The following DPYD variants were observed in gnomAD, a reference collection of about 807,000 sequenced individuals.
The protein encoded by DPYD is dihydropyrimidine dehydrogenase [NADP(+)].
A neutral mutation model predicts 116.2 loss-of-function variants in DPYD; 109 were observed. The ratio of observed to expected loss-of-function variants is 0.94; its 90% CI spans 0.80 to 1.10. DPYD has a LOEUF of 1.10. Among genes scored for constraint, DPYD ranks in the 50% least tolerant of loss-of-function variants. The probability of loss-of-function intolerance (pLI) is 0.00; values close to 1 mark genes in which losing one functional copy is unlikely to be tolerated. For missense variants in DPYD, 1,302 were observed against 1,254.5 expected, an observed-to-expected ratio of 1.04 and a Z score of -0.57; for synonymous variants, 440 against 432.0, an observed-to-expected ratio of 1.02 and a Z score of -0.23.
At chr1:97,669,658 G>T (rs1659751353) in intron 8 of DPYD, among the ~76,000 whole-genome samples, 1 of 152,160 alleles carries the variant, frequency 6.6e-6, no homozygotes, top group Admixed American at 6.6e-5. Flanking sequence ...GACAGAGAAA[G>T]AGATTATTAG....
At chr1:97,409,302 T>G (rs184755267) in intron 14 of DPYD, among the ~76,000 whole-genome samples, 8 of 152,276 alleles carry the variant, frequency 5.3e-5, no homozygotes, top group Admixed American at 2.0e-4. Context: ...TGATTGAAAG[T>G]TTAATGCATG....
chr1:97,163,784 A>G (rs1656104881), intron 20 of DPYD, among the ~76,000 whole-genome samples: 1 of 152,096 alleles, frequency 6.6e-6, no homozygotes, highest in Non-Finnish European at 1.5e-5. Context: ...CAAAGACCAC[A>G]TCTCTTACTA....
chr1:97,394,123 A>G (rs1672877154), intron 14 of DPYD: 1 of 151,994 alleles, frequency 6.6e-6, no homozygotes, highest in African/African-American at 2.4e-5. Flanking sequence ...TCCTTCACCC[A>G]CTTTTTGATG....
At chr1:97,357,018 T>C (rs1670458613) in intron 16 of DPYD, among the ~76,000 whole-genome samples, 1 of 152,346 alleles carries the variant, frequency 6.6e-6, no homozygotes, top group African/African-American at 2.4e-5. Context: ...TGCAGTTCCA[T>C]ACACATTTTA....
chr1:97,633,540 A>G (rs986168501), intron 8 of DPYD, among the ~76,000 whole-genome samples: 3 of 152,072 alleles, frequency 2.0e-5, no homozygotes, highest in Admixed American at 2.0e-4. Flanking sequence ...TTTAGACATC[A>G]CTGTGGGAAG....
chr1:97,723,478 C>T (rs184265599), intron 4 of DPYD, among the ~76,000 whole-genome samples: 1 of 151,530 alleles, frequency 6.6e-6, no homozygotes. Context: ...TACACACACA[C>T]ACAAAAGTTC....
Position 97,461,742 on chromosome 1 carries a change from C to T in DPYD, c.1741-11519G>A, listed in dbSNP as rs373571108. On this transcript the variant is annotated intron_variant, in intron 13 of 22. Coordinates refer to ENST00000370192, the MANE Select transcript of DPYD (RefSeq NM_000110.4). ...TTTCATATATTAGGCCATAAAGATGCTTGTATTATAATTACAAAACACCAT... is the reference window on the plus strand; with the variant it reads ...TTTCATATATTAGGCCATAAAGATGTTTGTATTATAATTACAAAACACCAT... Among the ~76,000 whole-genome samples, 98 of 152,292 alleles carry T rather than the reference C, an allele frequency of 6.4e-4. No individual in the cohort carries two copies. In the South Asian group the frequency reaches 0.02, roughly 31 times the overall value.
intron 18 of DPYD, among the ~76,000 whole-genome samples, chr1:97,246,573 G>T (rs1441801883): frequency 6.6e-6 from 1 of 152,058 alleles, no homozygotes; most frequent in African/African-American, 2.4e-5. Flanking sequence ...ATATAGTAAT[G>T]AACAAATCAT....
At chr1:97,671,793 T>G (rs1454290217) in intron 8 of DPYD, among the ~76,000 whole-genome samples, 1 of 152,058 alleles carries the variant, frequency 6.6e-6, no homozygotes, top group Non-Finnish European at 1.5e-5. Flanking sequence ...GAGGGATATA[T>G]GCACACAACC....
intron 20 of DPYD, among the ~76,000 whole-genome samples, chr1:97,116,315 G>T (rs1651958632): frequency 6.6e-6 from 1 of 152,042 alleles, no homozygotes; most frequent in African/African-American, 2.4e-5. Flanking sequence ...TTAACGGGGG[G>T]GCTATAGTGC....
At chr1:97,842,305 A>G (rs1670077403) in intron 2 of DPYD, among the ~76,000 whole-genome samples, 1 of 152,036 alleles carries the variant, frequency 6.6e-6, no homozygotes, top group Non-Finnish European at 1.5e-5. Context: ...AATATTGGCT[A>G]CAATCATCAA....
At chr1:97,618,369 T>C (rs1262989940) in intron 8 of DPYD, among the ~76,000 whole-genome samples, 1 of 130,624 alleles carries the variant, frequency 7.7e-6, no homozygotes, top group Non-Finnish European at 1.7e-5. Flanking sequence ...CTGTCAAGGA[T>C]TTTTTTTCTT....
Position 97,372,744 on chromosome 1 carries a change from G to GAA in DPYD, c.2058+815_2058+816dup, listed in dbSNP as rs888763805. On this transcript the variant is annotated intron_variant, in intron 16 of 22. Coordinates refer to ENST00000370192, the MANE Select transcript of DPYD (RefSeq NM_000110.4). ...TTCAAATCAATTTGATGACTTGAGA[G>GAA]AAAAAAAAAAAGGTGGGGACCTACT... Among the ~76,000 whole-genome samples, 7 of 144,264 alleles carry GAA rather than the reference G, an allele frequency of 4.9e-5. No homozygotes were observed. In the South Asian group the frequency reaches 1.5e-3, roughly 32 times the overall value. 94.6% of individuals were successfully genotyped at this position (144,264 alleles called of 152,430 possible). A position where few individuals can be genotyped will look rare whatever the true frequency, so the allele number is the denominator to read the frequency against.
At chr1:97,304,264 T>G (rs1667031997) in intron 18 of DPYD, among the ~76,000 whole-genome samples, 1 of 151,998 alleles carries the variant, frequency 6.6e-6, no homozygotes, top group African/African-American at 2.4e-5. Flanking sequence ...GTCCACGTTA[T>G]TCTGCATTAC....
At chr1:97,774,233 G>A (rs1461320860) in intron 3 of DPYD, among the ~76,000 whole-genome samples, 1 of 152,144 alleles carries the variant, frequency 6.6e-6, no homozygotes, top group African/African-American at 2.4e-5. Flanking sequence ...AGGAGAGTAT[G>A]AATGCAAAAC....
chr1:97,889,166 T>C (rs1312539917), intron 1 of DPYD, among the ~76,000 whole-genome samples: 3 of 150,782 alleles, frequency 2.0e-5, no homozygotes, highest in Admixed American at 2.0e-4. Flanking sequence ...TCAAAATAAA[T>C]AGATAAATAA....
At chr1:97,621,059 C>T (rs1326552814) in intron 8 of DPYD, among the ~76,000 whole-genome samples, 1 of 152,046 alleles carries the variant, frequency 6.6e-6, no homozygotes, top group East Asian at 1.9e-4. Flanking sequence ...GGCTGTAATG[C>T]CTTTTGAATA....
chr1:97,292,028 T>G (rs1240610753), intron 18 of DPYD, among the ~76,000 whole-genome samples: 1 of 152,148 alleles, frequency 6.6e-6, no homozygotes, highest in Admixed American at 6.5e-5. Flanking sequence ...AGGTTTTATT[T>G]TTTTTCCTTT....
At chr1:97,634,447 G>T (rs1657448085) in intron 8 of DPYD, among the ~76,000 whole-genome samples, 1 of 151,688 alleles carries the variant, frequency 6.6e-6, no homozygotes, top group African/African-American at 2.4e-5. Context: ...GACACAAAAA[G>T]AAAAATAATT....
Sources: allele counts gnomAD v4.1 joint callset (sites outside exome capture counted in the v4.1 genomes callset), GRCh38; gene constraint gnomAD v4.1.1; transcripts MANE v1.5; gene names NCBI Gene and HGNC (gene_info 2026-07-23, HGNC 2026-07-21).